Variants in SLC24A3 observed in about 807,000 individuals in gnomAD.
SLC24A3 encodes solute carrier family 24 member 3.
SLC24A3 carries 28 observed loss-of-function variants against 75.8 expected under a neutral mutation model. The ratio of observed to expected loss-of-function variants is 0.37; its 90% CI spans 0.27 to 0.51. The LOEUF (loss-of-function observed/expected upper bound fraction) is 0.51. Ranked by LOEUF, SLC24A3 falls within the 20% of genes least tolerant of loss-of-function variation. The pLI is 0.94. For synonymous variants in SLC24A3, 372 were observed against 334.1 expected, an observed-to-expected ratio of 1.11 and a Z score of -1.24; for missense variants, 663 against 847.8, an observed-to-expected ratio of 0.78 and a Z score of 2.71.
intron 2 of SLC24A3, among the ~76,000 whole-genome samples, chr20:19,408,845 C>T (rs1016331599): frequency 2.0e-5 from 3 of 152,182 alleles, no homozygotes; most frequent in African/African-American, 4.8e-5. Context: ...TATAATGTGG[C>T]AAATAATTTA....
chr20:19,454,666 T>A (rs1271591442), intron 2 of SLC24A3, among the ~76,000 whole-genome samples: 1 of 152,160 alleles, frequency 6.6e-6, no homozygotes, highest in Admixed American at 6.5e-5. Context: ...AATTATCACA[T>A]TTGCAAAAGA....
chr20:19,253,379 C>G (rs1030098961), intron 1 of SLC24A3, among the ~76,000 whole-genome samples: 1 of 152,240 alleles, frequency 6.6e-6, no homozygotes, highest in East Asian at 1.9e-4. Context: ...AGCACAGGCT[C>G]ATGTTGCCCT....
At chr20:19,435,956 G>A (rs555341187) in intron 2 of SLC24A3, among the ~76,000 whole-genome samples, 1 of 152,266 alleles carries the variant, frequency 6.6e-6, no homozygotes, top group African/African-American at 2.4e-5. Flanking sequence ...GAAATTCTCT[G>A]TACCAAGTGA....
chr20:19,631,925 G>A (rs1224412414), intron 6 of SLC24A3, among the ~76,000 whole-genome samples: 1 of 152,042 alleles, frequency 6.6e-6, no homozygotes, highest in Admixed American at 6.5e-5. Flanking sequence ...GTGGGACCTT[G>A]GGTAAGTCTT....
chr20:19,439,425 C>T (rs995912495), intron 2 of SLC24A3, among the ~76,000 whole-genome samples: 5 of 152,172 alleles, frequency 3.3e-5, no homozygotes, highest in Admixed American at 2.6e-4. Flanking sequence ...CATAAGCCTG[C>T]CCTTCCTCGC....
intron 2 of SLC24A3, among the ~76,000 whole-genome samples, chr20:19,463,397 G>T (rs1038195576): frequency 2.6e-5 from 4 of 152,196 alleles, no homozygotes; most frequent in African/African-American, 9.7e-5. Flanking sequence ...GTGAAATAAT[G>T]TCACAGGCTC....
At chr20:19,717,458 CT>C in intron 15 of SLC24A3, 69 bp from the exon 16 acceptor site, 1 of 1,559,260 alleles carries the variant, frequency 6.4e-7, no homozygotes, top group Non-Finnish European at 8.8e-7. Context: ...AGGCAGATGC[CT>C]TTTCCAAAGC....
intron 2 of SLC24A3, among the ~76,000 whole-genome samples, chr20:19,291,975 A>G (rs1003067598): frequency 1.3e-5 from 2 of 152,232 alleles, no homozygotes; most frequent in Admixed American, 1.3e-4. Flanking sequence ...TCTTGGGGTC[A>G]TGAGGGAACC....
intron 8 of SLC24A3, among the ~76,000 whole-genome samples, chr20:19,669,035 G>A (rs1400080375): frequency 6.6e-6 from 1 of 152,184 alleles, no homozygotes; most frequent in East Asian, 1.9e-4. Flanking sequence ...GACCACTTTA[G>A]ACCAATCATG....
At chr20:19,393,579 A>C (rs1986400959) in intron 2 of SLC24A3, among the ~76,000 whole-genome samples, 1 of 152,192 alleles carries the variant, frequency 6.6e-6, no homozygotes, top group Non-Finnish European at 1.5e-5. Context: ...GCTGAAAATG[A>C]AACCAAGAAA....
chr20:19,671,080 CAG>C (rs780458968), intron 8 of SLC24A3, among the ~76,000 whole-genome samples: 4 of 152,082 alleles, frequency 2.6e-5, no homozygotes, highest in Non-Finnish European at 4.4e-5. Context: ...AGAACATAAA[CAG>C]GGTCATGTGA....
chr20:19,467,977 C>A (rs900397524), intron 2 of SLC24A3, among the ~76,000 whole-genome samples: 3 of 151,806 alleles, frequency 2.0e-5, no homozygotes, highest in African/African-American at 7.3e-5. Flanking sequence ...TCCTAGAAAC[C>A]AGGAAGAGAG....
intron 9 of SLC24A3, among the ~76,000 whole-genome samples, chr20:19,679,780 T>A (rs924956782): frequency 6.6e-6 from 1 of 152,254 alleles, no homozygotes; most frequent in African/African-American, 2.4e-5. Flanking sequence ...ATAAATATCA[T>A]AAATATTTTA....
chr20:19,302,243 G>T (rs956049114), intron 2 of SLC24A3, among the ~76,000 whole-genome samples: 2 of 152,228 alleles, frequency 1.3e-5, no homozygotes, highest in African/African-American at 4.8e-5. Context: ...GTGGGCAGGG[G>T]CTGGGGCTGT....
At chr20:19,213,811 G>C (rs1981477850) in intron 1 of SLC24A3, among the ~76,000 whole-genome samples, 1 of 152,262 alleles carries the variant, frequency 6.6e-6, no homozygotes, top group South Asian at 2.1e-4. Flanking sequence ...TTCGATCCTG[G>C]GATTCAGCTG....
At chr20:19,488,337 A>G (rs1988158033) in intron 2 of SLC24A3, among the ~76,000 whole-genome samples, 1 of 152,166 alleles carries the variant, frequency 6.6e-6, no homozygotes, top group South Asian at 2.1e-4. Flanking sequence ...CTGACTTAAT[A>G]CTTCATAACC....
chr20:19,346,201 GTA>G (rs1489123022), intron 2 of SLC24A3, among the ~76,000 whole-genome samples: 2,182 of 80,854 alleles, frequency 0.027, 471 homozygotes, highest in African/African-American at 0.11. Flanking sequence ...TATATATATG[GTA>G]TATATATATG....
intron 2 of SLC24A3, among the ~76,000 whole-genome samples, chr20:19,324,782 A>G (rs868764404): frequency 5.9e-5 from 9 of 152,222 alleles, no homozygotes; most frequent in African/African-American, 2.2e-4. Context: ...TTGGATTAAT[A>G]TTGTGACACA....
At chr20:19,461,529 C>CTTTTTTTTTTTTTTTTTTTTTT (rs11468628) in intron 2 of SLC24A3, among the ~76,000 whole-genome samples, 1 of 101,426 alleles carries the variant, frequency 9.9e-6, no homozygotes, top group African/African-American at 3.6e-5. Context: ...TCTTTTTTTT[C>CTTTTTTTTTTTTTTTTTTTTTT]TTTTTTTTTT....
Sources: gnomAD v4.1 joint callset for allele counts (sites outside exome capture counted in the v4.1 genomes callset) on GRCh38, gnomAD v4.1.1 for gene constraint, MANE v1.5 for transcripts, NCBI Gene and HGNC (gene_info 2026-07-23, HGNC 2026-07-21) for gene names.